Variants in CLCN6 observed in about 807,000 individuals in gnomAD.
CLCN6 encodes Cl-/H+ antiporter 6, also known as H(+)/Cl(-) exchange transporter 6.
A neutral mutation model predicts 109.8 loss-of-function variants in CLCN6; 70 were observed. The ratio of observed to expected loss-of-function variants is 0.64; its 90% CI spans 0.53 to 0.78. The LOEUF (loss-of-function observed/expected upper bound fraction) is 0.78. Among genes scored for constraint, CLCN6 ranks in the 30% least tolerant of loss-of-function variants. The probability of loss-of-function intolerance (pLI) is 0.00; values close to 1 mark genes in which losing one functional copy is unlikely to be tolerated. For synonymous variants in CLCN6, 444 were observed against 447.8 expected, an observed-to-expected ratio of 0.99 and a Z score of 0.11; for missense variants, 984 against 1,142.3, an observed-to-expected ratio of 0.86 and a Z score of 2.00.
chr1:11,834,613 G>A lies in CLCN6; in HGVS notation c.1793+23G>A. 6.3e-7 allele frequency: 1 copy of A among 1,593,662 alleles called. No homozygotes were observed. The highest frequency in any genetic ancestry group is 8.6e-7 in the Non-Finnish European group (1 of 1,161,850). On this transcript the variant is annotated intron_variant, in intron 17 of 22. Transcript: ENST00000346436. This position sits in a 1 kb window ranked among gnomAD's most constrained non-coding sequence, Gnocchi z 4.5. ...CAAGTAAGGCCATGATTTTGCTCAT[G>A]TCCTAGTTTCAGAATGTATAAGCTC...
intron 12 of CLCN6, 126 bp downstream of exon 12, chr1:11,828,750 T>C (rs1644844897): frequency 3.8e-6 from 4 of 1,039,258 alleles, no homozygotes; most frequent in South Asian, 1.6e-5. Context: ...AGACTGAGAA[T>C]CTAAACACGG....
intron 2 of CLCN6, among the ~76,000 whole-genome samples, chr1:11,810,018 T>C (rs1315122364): frequency 6.6e-6 from 1 of 152,196 alleles, no homozygotes; most frequent in East Asian, 1.9e-4. Flanking sequence ...AAACACGTGT[T>C]AAAAGCATGT....
chr1:11,815,758 A>T, intron 2 of CLCN6, 88 bp from the exon 3 acceptor site: 2 of 971,836 alleles, frequency 2.1e-6, no homozygotes, highest in Non-Finnish European at 3.3e-6. Context: ...GCCCATCCAC[A>T]CGTTGAGTAG....
chr1:11,821,716 T>C (rs1466183672), intron 5 of CLCN6, among the ~76,000 whole-genome samples: 1 of 152,208 alleles, frequency 6.6e-6, no homozygotes, highest in Non-Finnish European at 1.5e-5. Flanking sequence ...CTGTGACTCA[T>C]ACATTCCTCT....
At position 11,834,481 on chromosome 1, in the gene CLCN6, C is replaced by A; in HGVS notation, c.1687-3C>A. On this transcript the variant is annotated splice_region_variant and splice_polypyrimidine_tract_variant and intron_variant, in intron 16 of 22. Coordinates refer to ENST00000346436, the MANE Select transcript of CLCN6 (RefSeq NM_001286.5). The surrounding 1 kb of genome is among the most constrained non-coding windows in gnomAD (Gnocchi z 4.5). ...ATTTTTAGGTCTTTGCTTTGTGTTT[C>A]AGGTGGCCAAATGGACAGGGGACTT... is the stretch of plus-strand genomic sequence containing the variant. The A allele has an allele frequency of 6.2e-7, 1 of 1,614,068 alleles. No individual in the cohort carries two copies. The highest frequency in any genetic ancestry group is 8.5e-7 in the Non-Finnish European group (1 of 1,179,952).
rs201010581 is a variant in CLCN6 at position 11,827,153 on chromosome 1, A to T, written c.772A>T (p.Ile258Phe). 4.3e-6 allele frequency: 7 copies of T among 1,613,826 alleles called. No individual in the cohort carries two copies. The highest frequency in any genetic ancestry group is 2.2e-5 in the East Asian group (1 of 44,886). ...AGVAAAFGAP[I>F]GGTLFSLEEG... is the part of the protein sequence containing the mutation. ...AGTTGCTGCAGCTTTCGGGGCGCCA[A>T]TCGGGGGTACCTTGTTCAGTCTAGA... The change falls in exon 10 of 23, where the codon ATC becomes TTC. Residue 258 changes from isoleucine to phenylalanine, a missense_variant. Transcript: ENST00000346436.
Position 11,806,310 on chromosome 1 carries a change from C to G in CLCN6, c.48C>G (p.Cys16Trp). 3 of 1,513,688 alleles carry G rather than the reference C, an allele frequency of 2.0e-6. No homozygotes were observed. Among genetic ancestry groups the G allele is most frequent in the Non-Finnish European group, 1.7e-6 (2 of 1,143,150 alleles). The allele number at this position is 1,513,688 out of a possible 1,614,324, so 93.8% of individuals were successfully genotyped here. A position where few individuals can be genotyped will look rare whatever the true frequency, so the allele number is the denominator to read the frequency against. The change falls in exon 1 of 23, where the codon TGC (cysteine) becomes TGG (tryptophan). Residue 16 changes from cysteine to tryptophan, a missense_variant. Physicochemically the swap from Cys to Trp is radical, Grantham distance 215. Transcript: ENST00000346436. ...GSLCCCCRWC[C>W]CCGERETRTP... ...TGTGCTGCTGCTGCAGGTGGTGCTG[C>G]TGCTGCGGTGAGCGTGAGACCCGCA...
At chr1:11,826,025 G>A (rs747543146) in intron 8 of CLCN6, 131 bp from the exon 9 acceptor site, 11 of 644,870 alleles carry the variant, frequency 1.7e-5, no homozygotes, top group Non-Finnish European at 2.7e-5. Context: ...TGATGCCGTG[G>A]ATTCCCATAG....
At chr1:11,828,272 T>C (rs1644837601) in intron 11 of CLCN6, 53 bp downstream of exon 11, 1 of 1,538,886 alleles carries the variant, frequency 6.5e-7, no homozygotes, top group African/African-American at 1.4e-5. Flanking sequence ...GAAAATTTCC[T>C]CTCAAGTGAA....
chr1:11,837,137 C>A lies in CLCN6; in HGVS notation c.2119C>A (p.Gln707Lys), dbSNP rs377337946. 180 of 1,612,792 alleles carry A rather than the reference C, an allele frequency of 1.1e-4. 2 individuals carry two copies. The South Asian group carries it at 1.9e-3, about 17-fold the overall frequency. ...GCCAGCCGAGAAGGAGGACCTCCTG[C>A]AGCAGATGCTGGAAAGGAGGTGAGA... The part of the protein sequence containing the change: ...EEPAEKEDLL[Q>K]QMLERRYTPY... The change falls in exon 19 of 23, where the codon CAG becomes AAG. Residue 707 changes from glutamine (Q) to lysine (K), a missense_variant. Transcript: ENST00000346436.
intron 20 of CLCN6, 140 bp from the exon 21 acceptor site, chr1:11,838,195 C>A: frequency 1.3e-6 from 1 of 757,306 alleles, no homozygotes; most frequent in Non-Finnish European, 2.2e-6. Context: ...AGCTCTCACT[C>A]TGGAGCGCTT....
chr1:11,808,880 T>C (rs1222123001), intron 2 of CLCN6, among the ~76,000 whole-genome samples: 1 of 151,972 alleles, frequency 6.6e-6, no homozygotes, highest in Non-Finnish European at 1.5e-5. Context: ...AAATTTGAGA[T>C]GGAGTCTCAC....
At chr1:11,819,592 G>T (rs771631772) in intron 5 of CLCN6, 38 bp downstream of exon 5, 4 of 1,568,510 alleles carry the variant, frequency 2.6e-6, no homozygotes, top group Non-Finnish European at 2.6e-6. Flanking sequence ...GTGGACTTCA[G>T]TGGTCACCAA....
At chr1:11,807,823 A>G (rs1268242046) in intron 2 of CLCN6, among the ~76,000 whole-genome samples, 1 of 152,184 alleles carries the variant, frequency 6.6e-6, no homozygotes, top group Non-Finnish European at 1.5e-5. Context: ...ATCCTTACCC[A>G]TGCTTTTATA....
At chr1:11,827,499 G>A (rs1364072289) in intron 10 of CLCN6, among the ~76,000 whole-genome samples, 3 of 145,248 alleles carry the variant, frequency 2.1e-5, no homozygotes, top group South Asian at 4.4e-4. Flanking sequence ...GCAGTGACGC[G>A]ATCTCGGCTT....
chr1:11,810,546 G>A (rs575141637), intron 2 of CLCN6, among the ~76,000 whole-genome samples: 5 of 152,188 alleles, frequency 3.3e-5, no homozygotes, highest in African/African-American at 4.8e-5. Context: ...CCTCCCTCCC[G>A]GCCAGGTGCC....
intron 2 of CLCN6, among the ~76,000 whole-genome samples, chr1:11,809,466 T>G (rs760921323): frequency 5.5e-4 from 84 of 152,142 alleles, no homozygotes; most frequent in Non-Finnish European, 1.0e-3. Context: ...TTCTTGTCAT[T>G]GTTTGAGACA....
At chr1:11,816,561 C>T in intron 3 of CLCN6, 54 bp from the exon 4 acceptor site, 3 of 1,523,502 alleles carry the variant, frequency 2.0e-6, no homozygotes, top group Non-Finnish European at 2.7e-6. Context: ...TGTATTTCTT[C>T]CCCTCTGCCA....
chr1:11,837,318 G>A, intron 19 of CLCN6, 25 bp from the exon 20 acceptor site: 2 of 1,600,618 alleles, frequency 1.2e-6, no homozygotes. Context: ...GGTATCCCAG[G>A]CAGCATCTGG....
Sources: allele counts gnomAD v4.1 joint callset (sites outside exome capture counted in the v4.1 genomes callset), GRCh38; gene constraint gnomAD v4.1.1; non-coding constraint Gnocchi (gnomAD v3.1); transcripts MANE v1.5; gene names NCBI Gene and HGNC (gene_info 2026-07-23, HGNC 2026-07-21).